The following FGF14 variants were observed in gnomAD, a reference collection of about 807,000 sequenced individuals.
FGF14 encodes the protein fibroblast growth factor 14, also known as fibroblast growth factor homologous factor 4.
Under a neutral mutation model 25.5 loss-of-function variants are expected in FGF14, and 5 were observed. That is an observed-to-expected ratio of 0.20 (90% CI 0.10 to 0.41). The LOEUF (loss-of-function observed/expected upper bound fraction) is 0.41. Among genes scored for constraint, FGF14 ranks in the 10% least tolerant of loss-of-function variants. The probability of loss-of-function intolerance (pLI) is 1.00; values close to 1 mark genes in which losing one functional copy is unlikely to be tolerated. For synonymous variants in FGF14, 138 were observed against 118.3 expected (o/e 1.17, Z -1.08); for missense variants, 222 against 320.1 (o/e 0.69, Z 2.34).
intron 3 of FGF14, among the ~76,000 whole-genome samples, chr13:101,784,853 A>G (rs531764029): frequency 1.3e-5 from 2 of 152,322 alleles, no homozygotes; most frequent in South Asian, 4.1e-4. Flanking sequence ...ATATCACTGC[A>G]TACGCAATCT....
intron 1 of FGF14, among the ~76,000 whole-genome samples, chr13:102,212,008 A>G (rs559295596): frequency 6.6e-6 from 1 of 152,234 alleles, no homozygotes; most frequent in African/African-American, 2.4e-5. Flanking sequence ...ACAGTTACTC[A>G]GTTGTTTTCC....
Position 102,116,585 on chromosome 13 carries a change from ATGATT to A in FGF14, c.209-241294_209-241290del, listed in dbSNP as rs1188532002. ...CCAGGCAAGAAAGGACAAATCTTGTATGATTTGATTTATGTGAAGTGCCAGAATGG... is the reference window on the plus strand; with the variant it reads ...CCAGGCAAGAAAGGACAAATCTTGTATGATTTATGTGAAGTGCCAGAATGG... On this transcript the variant is annotated intron_variant, in intron 1 of 4. Coordinates refer to the FGF14 transcript ENST00000376131. Among the ~76,000 whole-genome samples the A allele has an allele frequency of 5.9e-5, 9 of 152,360 alleles. 1 individual carries two copies. The East Asian group carries it at 1.2e-3, about 20-fold the overall frequency.
At chr13:102,092,240 T>G (rs2044198128) in intron 1 of FGF14, among the ~76,000 whole-genome samples, 1 of 152,228 alleles carries the variant, frequency 6.6e-6, no homozygotes, top group Admixed American at 6.5e-5. Flanking sequence ...ACACTTTGTG[T>G]TTTTATGTAA....
intron 3 of FGF14, among the ~76,000 whole-genome samples, chr13:101,747,605 C>A (rs114551291): frequency 6.6e-6 from 1 of 152,136 alleles, no homozygotes; most frequent in African/African-American, 2.4e-5. Flanking sequence ...ACATGCTCAA[C>A]ATTGCTGATC....
chr13:101,914,746 T>C (rs1490637450), intron 1 of FGF14, among the ~76,000 whole-genome samples: 1 of 152,180 alleles, frequency 6.6e-6, no homozygotes, highest in African/African-American at 2.4e-5. Context: ...TACACACAAG[T>C]TTTAATCATT....
At chr13:102,313,815 C>T (rs1017520131) in intron 1 of FGF14, among the ~76,000 whole-genome samples, 2 of 152,170 alleles carry the variant, frequency 1.3e-5, no homozygotes, top group South Asian at 2.1e-4. Context: ...ACTTCTTCAA[C>T]AGTCCAAATG....
At chr13:101,827,211 T>C (rs1179485723) in intron 3 of FGF14, among the ~76,000 whole-genome samples, 1 of 152,042 alleles carries the variant, frequency 6.6e-6, no homozygotes, top group Admixed American at 6.5e-5. Flanking sequence ...GGATTTTGTA[T>C]AGCACTAGAA....
intron 1 of FGF14, among the ~76,000 whole-genome samples, chr13:101,988,241 G>C (rs2038701007): frequency 1.3e-5 from 2 of 151,824 alleles, no homozygotes; most frequent in African/African-American, 4.8e-5. Context: ...TGAAATTGCA[G>C]AAACAGATGG....
At chr13:102,293,465 C>T (rs1430317817) in intron 1 of FGF14, 3 of 152,116 alleles carry the variant, frequency 2.0e-5, no homozygotes, top group African/African-American at 4.8e-5. Flanking sequence ...ATAAAGAGGC[C>T]GTAGAGAAGG....
upstream of FGF14, among the ~76,000 whole-genome samples, chr13:101,918,729 C>T (rs1418328512): frequency 6.6e-6 from 1 of 152,188 alleles, no homozygotes; most frequent in Non-Finnish European, 1.5e-5. Context: ...CCACATTTAC[C>T]AACAAGTCTC....
chr13:101,775,000 A>G (rs9582523), intron 3 of FGF14, among the ~76,000 whole-genome samples: 241 of 152,118 alleles, frequency 1.6e-3, no homozygotes, highest in African/African-American at 5.5e-3. Flanking sequence ...ATTGGAAAGA[A>G]GAGATATGAA....
At chr13:101,857,644 T>C (rs1219666319) in intron 3 of FGF14, among the ~76,000 whole-genome samples, 5 of 152,036 alleles carry the variant, frequency 3.3e-5, no homozygotes, top group Non-Finnish European at 7.4e-5. Context: ...AAACTTAAAA[T>C]GTAGTGAGCA....
intron 3 of FGF14, among the ~76,000 whole-genome samples, chr13:101,836,865 T>C (rs1174232776): frequency 1.3e-5 from 2 of 152,096 alleles, no homozygotes; most frequent in Non-Finnish European, 1.5e-5. Context: ...TTGCATTTTA[T>C]AGTTAATGTA....
chr13:102,086,691 A>T (rs1426421750), intron 1 of FGF14, among the ~76,000 whole-genome samples: 1 of 152,226 alleles, frequency 6.6e-6, no homozygotes, highest in African/African-American at 2.4e-5. Flanking sequence ...GCTATACAGT[A>T]GACAAAGAAT....
In FGF14 at chr13:101,769,061, T is replaced by C. The variant is rs535995684; in HGVS notation, c.409-42251A>G. Among the ~76,000 whole-genome samples, 200 of 152,226 alleles carry C rather than the reference T, an allele frequency of 1.3e-3. 2 individuals are homozygous for C. The highest frequency in any genetic ancestry group is 4.6e-3 in the African/African-American group (193 of 41,558). ...ACTGGGAGGAAGGTTTTTTTTGCAA[T>C]AGAAATATCTGATTTTAAATATACA... On this transcript the variant is annotated intron_variant, in intron 3 of 4. Coordinates refer to ENST00000376143, the MANE Select transcript of FGF14 (RefSeq NM_004115.4).
intron 1 of FGF14, among the ~76,000 whole-genome samples, chr13:101,996,684 TG>T (rs1400333338): frequency 6.6e-6 from 1 of 152,188 alleles, no homozygotes; most frequent in Non-Finnish European, 1.5e-5. Context: ...AAATCTAGTT[TG>T]TAAGTAAGTT....
At chr13:101,970,538 A>T (rs901871334) in intron 1 of FGF14, among the ~76,000 whole-genome samples, 5 of 152,128 alleles carry the variant, frequency 3.3e-5, no homozygotes, top group African/African-American at 1.2e-4. Flanking sequence ...CCTTAGAATC[A>T]AGGTTGCTTT....
chr13:101,808,717 T>C lies in FGF14; in HGVS notation c.408+60008A>G, dbSNP rs77611884. ...GATAGGAGTCCCAGAAGATAAGAGA[T>C]TGAGCTAACCTATTACTTCAGACAT... On this transcript the variant is annotated intron_variant, in intron 3 of 4. Coordinates refer to ENST00000376143, the MANE Select transcript of FGF14 (RefSeq NM_004115.4). 5.4e-3 allele frequency among the ~76,000 whole-genome samples: 815 copies of C among 152,188 alleles called. 10 individuals carry two copies. The highest frequency in any genetic ancestry group is 0.012 in the Admixed American group (184 of 15,270).
intron 1 of FGF14, among the ~76,000 whole-genome samples, chr13:102,053,752 T>C (rs369014724): frequency 8.5e-5 from 13 of 152,120 alleles, no homozygotes; most frequent in African/African-American, 2.7e-4. Context: ...TAAACACATA[T>C]AATGGCTTAG....
Sources: allele counts gnomAD v4.1 joint callset (sites outside exome capture counted in the v4.1 genomes callset), GRCh38; gene constraint gnomAD v4.1.1; transcripts MANE v1.5; gene names NCBI Gene and HGNC (gene_info 2026-07-23, HGNC 2026-07-21).